UTP20: variants seen among roughly 807,000 people sequenced by gnomAD.
The protein encoded by UTP20 is small subunit processome component 20 homolog.
UTP20 carries 164 observed loss-of-function variants against 329.5 expected under a neutral mutation model. That is an observed-to-expected ratio of 0.50 (90% CI 0.44 to 0.57). UTP20 has a LOEUF of 0.57. Ranked by LOEUF, UTP20 falls within the 20% of genes least tolerant of loss-of-function variation. The pLI, the probability that UTP20 is intolerant of heterozygous loss-of-function variation, is 0.00. For missense variants in UTP20, 3,055 were observed against 3,284.2 expected, an observed-to-expected ratio of 0.93 and a Z score of 1.71; for synonymous variants, 1,151 against 1,159.3, an observed-to-expected ratio of 0.99 and a Z score of 0.14.
rs767111217 is a variant in UTP20, at chr12:101,338,205, G to A, written c.3796G>A (p.Glu1266Lys). The A allele has an allele frequency of 8.7e-6, 14 of 1,613,924 alleles. No individual in the cohort carries two copies. Among genetic ancestry groups the A allele is most frequent in the Middle Eastern group, 1.6e-4 (1 of 6,082 alleles). The part of the protein sequence containing the change: ...VDDLLNLPDF[E>K]PTETVLNLLV... ...TGACCTTCTTAACCTTCCAGATTTC[G>A]AGCCTACAGAAACAGTTTTGAACTT... Residue 1266 changes from glutamate (E) to lysine (K), a missense_variant, in exon 30 of 62, where the codon GAG (glutamate) becomes AAG (lysine). Coordinates refer to ENST00000261637, the MANE Select transcript of UTP20 (RefSeq NM_014503.3).
Position 101,371,150 on chromosome 12 carries a change from C to G in UTP20, c.6780C>G (p.Ala2260=). Residue 2260 remains alanine (A), a synonymous_variant, in exon 51 of 62, where the codon GCC becomes GCG. Coordinates refer to ENST00000261637, the MANE Select transcript of UTP20 (RefSeq NM_014503.3). ...CAGTCTCTGCACAAAGCGAACCTGC[C>G]AGGGTCCAGTGTAGACAGGTTTGTA... The part of the protein sequence containing the change: ...KLAVSAQSEP[A]RVQCRQVFLK... 2 of 1,613,856 alleles carry G rather than the reference C, an allele frequency of 1.2e-6. No homozygotes were observed. The highest frequency in any genetic ancestry group is 1.7e-6 in the Non-Finnish European group (2 of 1,179,888).
chr12:101,303,196 T>C (rs912417487), intron 15 of UTP20, among the ~76,000 whole-genome samples: 2 of 152,212 alleles, frequency 1.3e-5, no homozygotes, highest in African/African-American at 4.8e-5. Flanking sequence ...CATTTGCTTT[T>C]CTCACATGCC....
At chr12:101,284,008 G>T (rs1357727462) in intron 2 of UTP20, among the ~76,000 whole-genome samples, 14 of 151,602 alleles carry the variant, frequency 9.2e-5, no homozygotes, top group African/African-American at 3.4e-4. Flanking sequence ...TGTAGATTTG[G>T]CATGCTGTTT....
intron 17 of UTP20, among the ~76,000 whole-genome samples, chr12:101,307,086 G>A (rs1179164234): frequency 6.6e-6 from 1 of 151,338 alleles, no homozygotes; most frequent in Non-Finnish European, 1.5e-5. Flanking sequence ...GCTGAGGCAG[G>A]AGAATGGTGT....
In UTP20 at chr12:101,338,836, T is replaced by C. The variant is rs373306732; in HGVS notation, c.3892T>C (p.Leu1298=). ...IGESITIGGR[L]ILPHVPAILQ... ...AGAGTCTATCACAATAGGAGGAAGA[T>C]TAATTCTACCTCATGTACCTGCAAT... Residue 1298 remains leucine, a synonymous_variant, in exon 31 of 62, where the codon TTA becomes CTA. Transcript: ENST00000261637. The C allele has an allele frequency of 4.4e-5, 71 of 1,609,422 alleles. No homozygotes were observed. The highest frequency in any genetic ancestry group is 5.3e-5 in the Non-Finnish European group (63 of 1,178,792).
chr12:101,366,095 G>C (rs1870087863), intron 46 of UTP20, among the ~76,000 whole-genome samples: 1 of 152,124 alleles, frequency 6.6e-6, no homozygotes, highest in Non-Finnish European at 1.5e-5. Flanking sequence ...AGCCAGGCAT[G>C]GTGCTGGGCA....
chr12:101,284,807 G>T (rs1442288850), intron 2 of UTP20, among the ~76,000 whole-genome samples: 1 of 152,118 alleles, frequency 6.6e-6, no homozygotes, highest in Non-Finnish European at 1.5e-5. Flanking sequence ...TGACAGTTCA[G>T]TATAGTTGTA....
Position 101,370,416 on chromosome 12 carries a change from C to G in UTP20, c.6556-16C>G. The G allele has an allele frequency of 8.1e-6, 13 of 1,610,004 alleles. No individual in the cohort carries two copies. The highest frequency in any genetic ancestry group is 9.3e-6 in the Non-Finnish European group (11 of 1,178,092). ...TGGGATGTGCTGGCTGTTAACATCACTATTGTAACTTGCAGTGTGTGACCA... is the reference window on the plus strand; with the variant it reads ...TGGGATGTGCTGGCTGTTAACATCAGTATTGTAACTTGCAGTGTGTGACCA... On this transcript the variant is annotated splice_polypyrimidine_tract_variant and intron_variant, in intron 49 of 61. Coordinates refer to ENST00000261637, the MANE Select transcript of UTP20 (RefSeq NM_014503.3).
chr12:101,311,904 T>A (rs1437733584), intron 20 of UTP20, 106 bp downstream of exon 20: 2 of 1,552,612 alleles, frequency 1.3e-6, no homozygotes, highest in African/African-American at 1.4e-5. Flanking sequence ...ATGAAACATA[T>A]ATTATCATGA....
Position 101,285,889 on chromosome 12 carries a change from G to T in UTP20, c.326+8G>T. On this transcript the variant is annotated splice_region_variant and intron_variant, in intron 4 of 61. Transcript: ENST00000261637. ...CTATCAACCCCTTTTGGAGTAAGTA[G>T]CATCTTGAGAGAAAGCTCACAACTA... The T allele has an allele frequency of 6.2e-7, 1 of 1,611,830 alleles. No homozygotes were observed. The highest frequency in any genetic ancestry group is 8.5e-7 in the Non-Finnish European group (1 of 1,179,230).
intron 41 of UTP20, among the ~76,000 whole-genome samples, chr12:101,355,517 C>CT (rs1487593562): frequency 6.6e-6 from 1 of 152,164 alleles, no homozygotes; most frequent in Non-Finnish European, 1.5e-5. Flanking sequence ...AAGCCAGAGC[C>CT]TTTCCTTCCT....
chr12:101,370,543 A>C lies in UTP20; in HGVS notation c.6667A>C (p.Thr2223Pro), dbSNP rs774258450. The change falls in exon 50 of 62, where the codon ACT becomes CCT. Residue 2223 changes from threonine to proline, a missense_variant. Coordinates refer to ENST00000261637, the MANE Select transcript of UTP20 (RefSeq NM_014503.3). ...EDIYDTSRQA[T>P]AFGLLKAILS... Reference sequence around the variant, plus strand: ...CATTTATGATACTTCAAGACAAGCCACTGCCTTTGGTCTTCTGAAGGTATG... The same window carrying C: ...CATTTATGATACTTCAAGACAAGCCCCTGCCTTTGGTCTTCTGAAGGTATG... The C allele has an allele frequency of 1.9e-6, 3 of 1,613,476 alleles. No individual in the cohort carries two copies. The South Asian group carries it at 3.3e-5, about 18-fold the overall frequency.
At chr12:101,341,077 GC>G (rs1312710923) in intron 32 of UTP20, among the ~76,000 whole-genome samples, 1 of 148,182 alleles carries the variant, frequency 6.7e-6, no homozygotes, top group Non-Finnish European at 1.5e-5. Context: ...CTGGGTTCAA[GC>G]AATTCTCCTG....
At chr12:101,282,769 C>A (rs1401685417) in intron 2 of UTP20, among the ~76,000 whole-genome samples, 1 of 152,132 alleles carries the variant, frequency 6.6e-6, no homozygotes, top group African/African-American at 2.4e-5. Flanking sequence ...ACTTGGAGAT[C>A]CAATCTCAGT....
At position 101,386,212 on chromosome 12, in the gene UTP20, G is replaced by GT. The variant is rs34431009; in HGVS notation, c.*104dup. The stretch of plus-strand genomic sequence containing the variant: ...AGGTTGTCTGGGGTAGGGGGGAGGC[G>GT]TTTTTTTTTTTTTTTGAGACAAGGT... On this transcript the variant is annotated 3_prime_UTR_variant, in exon 62 of 62. Transcript: ENST00000261637. 0.17 allele frequency: 148,701 copies of GT among 895,754 alleles called. 1,570 individuals carry two copies. Among genetic ancestry groups the GT allele is most frequent in the Non-Finnish European group, 0.18 (109,237 of 614,008 alleles). 55.5% of individuals were successfully genotyped at this position (895,754 alleles called of 1,614,324 possible).
At chr12:101,385,856 C>T in intron 61 of UTP20, 112 bp from the exon 62 acceptor site, 1 of 1,465,382 alleles carries the variant, frequency 6.8e-7, no homozygotes, top group East Asian at 2.5e-5. Flanking sequence ...ATAGCTGGGA[C>T]TTCAGATTTT....
chr12:101,353,117 G>T lies in UTP20; in HGVS notation c.5095G>T (p.Glu1699Ter). 1 of 1,595,202 alleles carries T rather than the reference G, an allele frequency of 6.3e-7. No individual in the cohort carries two copies. Among genetic ancestry groups the T allele is most frequent in the South Asian group, 1.1e-5 (1 of 88,498 alleles). ...KTLEEQMGKI[E>*]NEENAIEAIE... ...TCTTGAAGAACAAATGGGAAAAATTGAGAATGAAGAAAGTAAGTTTCTTAA... is the reference window on the plus strand; with the variant it reads ...TCTTGAAGAACAAATGGGAAAAATTTAGAATGAAGAAAGTAAGTTTCTTAA... The change falls in exon 40 of 62, where the codon GAG becomes TAG. Residue 1699 changes from glutamate to a stop codon, truncating the protein, a stop_gained. Transcript: ENST00000261637. LOFTEE classifies it high-confidence loss of function.
intron 15 of UTP20, 149 bp from the exon 16 acceptor site, chr12:101,305,766 C>A: frequency 1.1e-6 from 1 of 874,948 alleles, no homozygotes; most frequent in Non-Finnish European, 1.6e-6. Context: ...GATTCTTCAT[C>A]TATGAAGTGA....
chr12:101,334,938 A>G (rs1215298198), intron 29 of UTP20, among the ~76,000 whole-genome samples: 1 of 151,992 alleles, frequency 6.6e-6, no homozygotes, highest in Non-Finnish European at 1.5e-5. Flanking sequence ...ATGCCACTGC[A>G]TTCTAGCCTG....
Sources: gnomAD v4.1 joint callset for allele counts (sites outside exome capture counted in the v4.1 genomes callset) on GRCh38, gnomAD v4.1.1 for gene constraint, MANE v1.5 for transcripts, NCBI Gene and HGNC (gene_info 2026-07-23, HGNC 2026-07-21) for gene names.